Variants in KIRREL3 observed in about 807,000 individuals in gnomAD.
KIRREL3 encodes the protein kin of IRRE-like protein 3.
A neutral mutation model predicts 89.7 loss-of-function variants in KIRREL3; 36 were observed. That is an observed-to-expected ratio of 0.40 (90% confidence interval 0.31 to 0.53). KIRREL3 has a LOEUF of 0.53. Ranked by LOEUF, KIRREL3 falls within the 20% of genes least tolerant of loss-of-function variation. The probability of loss-of-function intolerance (pLI) is 0.49; values close to 1 mark genes in which losing one functional copy is unlikely to be tolerated. For synonymous variants in KIRREL3, 445 were observed against 441.4 expected (o/e 1.01, Z -0.10); for missense variants, 864 against 1,056.6 (o/e 0.82, Z 2.53).
In KIRREL3 at chr11:126,767,570, G is replaced by A. The variant is rs144481656; in HGVS notation, c.56-204658C>T. 2.1e-3 allele frequency among the ~76,000 whole-genome samples: 318 copies of A among 152,326 alleles called. 1 individual carries two copies. The South Asian group carries it at 0.025, about 12-fold the overall frequency. ...TACACTGTGTATAACGACATACACT[G>A]TATAGACCACTGTAGGGACCAAATA... On this transcript the variant is annotated intron_variant, in intron 1 of 16. Transcript: ENST00000525144.
At chr11:126,730,536 C>T (rs1372250040) in intron 1 of KIRREL3, among the ~76,000 whole-genome samples, 2 of 152,130 alleles carry the variant, frequency 1.3e-5, no homozygotes, top group Non-Finnish European at 2.9e-5. Context: ...TTTGTCTTCC[C>T]CACCTAGGGG....
chr11:126,597,573 T>C (rs1421145218), intron 1 of KIRREL3, among the ~76,000 whole-genome samples: 1 of 152,134 alleles, frequency 6.6e-6, no homozygotes, highest in East Asian at 1.9e-4. Context: ...CACATTCTTT[T>C]GCCGTCAGCT....
At chr11:126,725,969 A>T (rs891784700) in intron 1 of KIRREL3, among the ~76,000 whole-genome samples, 6 of 152,194 alleles carry the variant, frequency 3.9e-5, no homozygotes, top group African/African-American at 1.4e-4. Flanking sequence ...AATAACCCAA[A>T]TAGAGGAGAT....
rs2134906694 is a variant in KIRREL3, at chr11:126,636,279, G to A, written c.56-73367C>T. Among the ~76,000 whole-genome samples the A allele has an allele frequency of 6.6e-6, 1 of 152,260 alleles. No homozygotes were observed. The highest frequency in any genetic ancestry group is 1.9e-4 in the East Asian group (1 of 5,186). ...ACTATTATTGTTATTTCCTTTTTGA[G>A]CTAGTTGTGTTTGCTTGCTACGGAG... is the stretch of plus-strand genomic sequence containing the variant. On this transcript the variant is annotated intron_variant, in intron 1 of 16. Transcript: ENST00000525144. The surrounding 1 kb of genome is among the most constrained non-coding windows in gnomAD (Gnocchi z 4.4).
In KIRREL3 at chr11:126,498,069, A is replaced by C. The variant is rs1957731768; in HGVS notation, c.433+23246T>G. Among the ~76,000 whole-genome samples, 1 of 152,190 alleles carries C rather than the reference A, an allele frequency of 6.6e-6. No individual in the cohort carries two copies. The highest frequency in any genetic ancestry group is 2.1e-4 in the South Asian group (1 of 4,824). On this transcript the variant is annotated intron_variant, in intron 4 of 16. Coordinates refer to ENST00000525144, the MANE Select transcript of KIRREL3 (RefSeq NM_032531.4). The surrounding 1 kb of genome is among the most constrained non-coding windows in gnomAD (Gnocchi z 4.3). ...AAGGAAGCAGAGGCTCAGAGAGGGT[A>C]AATGACTTGCCCCAAATCACACAGC...
At position 126,515,017 on chromosome 11, in the gene KIRREL3, T is replaced by C. The variant is rs1591661180; in HGVS notation, c.433+6298A>G. ...CATTTACTGAACACCCAGTATGTGA[T>C]TCTAGGCTGTGCTAGGCATGAAGGA... On this transcript the variant is annotated intron_variant, in intron 4 of 16. Transcript: ENST00000525144. The surrounding 1 kb of genome is among the most constrained non-coding windows in gnomAD (Gnocchi z 4.2). Among the ~76,000 whole-genome samples, 1 of 152,222 alleles carries C rather than the reference T, an allele frequency of 6.6e-6. No homozygotes were observed. The highest frequency in any genetic ancestry group is 2.4e-5 in the African/African-American group (1 of 41,466).
rs76573971 is a variant in KIRREL3 at position 126,481,718 on chromosome 11, G to A, written c.434-8252C>T. Reference sequence around the variant, plus strand: ...TTCCTGGATCAGCCATCATCCTTTTGTGCTTGGATTACAATAGTGCTTCTC... The same window carrying A: ...TTCCTGGATCAGCCATCATCCTTTTATGCTTGGATTACAATAGTGCTTCTC... On this transcript the variant is annotated intron_variant, in intron 4 of 16. Coordinates refer to ENST00000525144, the MANE Select transcript of KIRREL3 (RefSeq NM_032531.4). Among the ~76,000 whole-genome samples, 215 of 152,298 alleles carry A rather than the reference G, an allele frequency of 1.4e-3. 3 individuals carry two copies. Among genetic ancestry groups the A allele is most frequent in the African/African-American group, 5.1e-3 (210 of 41,558 alleles).
chr11:126,666,743 T>C lies in KIRREL3; in HGVS notation c.56-103831A>G, dbSNP rs1250713440. Among the ~76,000 whole-genome samples the C allele has an allele frequency of 6.6e-6, 1 of 152,214 alleles. No homozygotes were observed. The highest frequency in any genetic ancestry group is 1.5e-5 in the Non-Finnish European group (1 of 68,038). On this transcript the variant is annotated intron_variant, in intron 1 of 16. Transcript: ENST00000525144. This position sits in a 1 kb window ranked among gnomAD's most constrained non-coding sequence, Gnocchi z 4.2. ...TTGCTTTTCCCATTTTTATTTGTAT[T>C]GACTAGGAGGTCTTTCACCAGAAGA...
chr11:126,842,667 A>G (rs1944004325), intron 1 of KIRREL3, among the ~76,000 whole-genome samples: 1 of 152,210 alleles, frequency 6.6e-6, no homozygotes, highest in South Asian at 2.1e-4. Context: ...TTATAAAATG[A>G]AACTGAAGAC....
intron 1 of KIRREL3, among the ~76,000 whole-genome samples, chr11:126,572,006 CCTAA>C (rs1191812248): frequency 2.0e-5 from 3 of 152,344 alleles, no homozygotes; most frequent in African/African-American, 7.2e-5. Flanking sequence ...TTAGACTTTT[CCTAA>C]CAGAAAGTTG....
At chr11:126,951,704 G>T (rs1194990501) in intron 1 of KIRREL3, among the ~76,000 whole-genome samples, 2 of 152,222 alleles carry the variant, frequency 1.3e-5, no homozygotes, top group African/African-American at 4.8e-5. Flanking sequence ...AGCGAAGACA[G>T]CTGTGGCAAT....
chr11:126,914,065 T>G (rs1946938475), intron 1 of KIRREL3, among the ~76,000 whole-genome samples: 1 of 152,206 alleles, frequency 6.6e-6, no homozygotes, highest in African/African-American at 2.4e-5. Context: ...GCCAATGGAA[T>G]ATGAGTGAAT....
In KIRREL3 at chr11:126,705,951, G is replaced by T. The variant is rs1263210388; in HGVS notation, c.56-143039C>A. On this transcript the variant is annotated intron_variant, in intron 1 of 16. Coordinates refer to ENST00000525144, the MANE Select transcript of KIRREL3 (RefSeq NM_032531.4). This position sits in a 1 kb window ranked among gnomAD's most constrained non-coding sequence, Gnocchi z 4.3. The stretch of plus-strand genomic sequence containing the variant: ...GAATCTGGCCCCTGTGCTGTGAGAA[G>T]CCTACCCCACATGGAAATATACACA... 2.6e-5 allele frequency among the ~76,000 whole-genome samples: 4 copies of T among 152,204 alleles called. No individual in the cohort carries two copies. Among genetic ancestry groups the T allele is most frequent in the African/African-American group, 9.7e-5 (4 of 41,450 alleles).
chr11:126,775,960 G>A (rs1950158065), intron 1 of KIRREL3, among the ~76,000 whole-genome samples: 1 of 152,178 alleles, frequency 6.6e-6, no homozygotes, highest in Non-Finnish European at 1.5e-5. Flanking sequence ...GAGGTACAAT[G>A]GCTGAGGCTG....
intron 1 of KIRREL3, among the ~76,000 whole-genome samples, chr11:126,600,859 A>G (rs1942622194): frequency 6.6e-6 from 1 of 152,076 alleles, no homozygotes; most frequent in South Asian, 2.1e-4. Context: ...AAAGACCCTG[A>G]CTTCTTCAGT....
At chr11:126,468,991 G>A (rs889283097) in intron 5 of KIRREL3, among the ~76,000 whole-genome samples, 1 of 152,214 alleles carries the variant, frequency 6.6e-6, no homozygotes, top group South Asian at 2.1e-4. Context: ...CCTTGCAGCC[G>A]TGTGGATCCA....
chr11:126,449,476 C>G (rs56680523), intron 7 of KIRREL3, among the ~76,000 whole-genome samples: 6 of 152,168 alleles, frequency 3.9e-5, no homozygotes, highest in African/African-American at 9.6e-5. Flanking sequence ...GCTGGCTAGA[C>G]GATGGAAAAT....
At chr11:126,938,250 TCA>T (rs1948291168) in intron 1 of KIRREL3, among the ~76,000 whole-genome samples, 2 of 152,222 alleles carry the variant, frequency 1.3e-5, no homozygotes, top group African/African-American at 4.8e-5. Flanking sequence ...CAACTTGCAC[TCA>T]GTTTCCTGAA....
chr11:126,762,513 G>C (rs1213593564), intron 1 of KIRREL3, among the ~76,000 whole-genome samples: 1 of 152,164 alleles, frequency 6.6e-6, no homozygotes, highest in Non-Finnish European at 1.5e-5. Flanking sequence ...TCAAGTCTTG[G>C]GCAATGGGAG....
Sources: gnomAD v4.1 joint callset for allele counts (sites outside exome capture counted in the v4.1 genomes callset) on GRCh38, gnomAD v4.1.1 for gene constraint, Gnocchi (gnomAD v3.1) non-coding constraint, MANE v1.5 for transcripts, NCBI Gene and HGNC (gene_info 2026-07-23, HGNC 2026-07-21) for gene names.